NEDD4L: variants seen among roughly 807,000 people sequenced by gnomAD.
NEDD4L encodes E3 ubiquitin-protein ligase NEDD4-like.
A neutral mutation model predicts 148.9 loss-of-function variants in NEDD4L; 54 were observed. That is an observed-to-expected ratio of 0.36 (90% CI 0.29 to 0.45). NEDD4L has a LOEUF of 0.45. Ranked by LOEUF, NEDD4L falls within the 20% of genes least tolerant of loss-of-function variation. The pLI is 1.00. For missense variants in NEDD4L, 856 were observed against 1,233.8 expected (o/e 0.69, Z 4.59); for synonymous variants, 433 against 440.7 (o/e 0.98, Z 0.22).
At chr18:58,356,931 G>T (rs757793616) in intron 18 of NEDD4L, among the ~76,000 whole-genome samples, 2 of 152,022 alleles carry the variant, frequency 1.3e-5, no homozygotes, top group African/African-American at 2.4e-5. Flanking sequence ...CAAGTTATTT[G>T]CCCAAAACAG....
At chr18:58,376,810 G>GCTCT in intron 24 of NEDD4L, among the ~76,000 whole-genome samples, 1 of 152,320 alleles carries the variant, frequency 6.6e-6, no homozygotes, top group Non-Finnish European at 1.5e-5. Context: ...GCGTGGCCTG[G>GCTCT]CTCTCCCTGC....
intron 1 of NEDD4L, among the ~76,000 whole-genome samples, chr18:58,135,919 C>T (rs1254192313): frequency 2.0e-5 from 3 of 152,168 alleles, no homozygotes; most frequent in Non-Finnish European, 4.4e-5. Flanking sequence ...TTGTTTTGCT[C>T]ATTGATGGCC....
rs57095928 is a variant in NEDD4L at position 58,191,563 on chromosome 18, T to C, written c.122+25702T>C. ...AATAGGTAAATTGCTAAGAAAAACA[T>C]TGGCCTTGGTATGTACAACTTAAAA... On this transcript the variant is annotated intron_variant, in intron 2 of 30. Transcript: ENST00000400345. 9.8e-3 allele frequency among the ~76,000 whole-genome samples: 1,489 copies of C among 152,316 alleles called. 22 individuals carry two copies. The highest frequency in any genetic ancestry group is 0.032 in the African/African-American group (1,349 of 41,566).
chr18:58,233,860 GT>G (rs2045557835), intron 2 of NEDD4L, among the ~76,000 whole-genome samples: 1 of 152,136 alleles, frequency 6.6e-6, no homozygotes, highest in South Asian at 2.1e-4. Context: ...GGCTCTTCTA[GT>G]TTGTGATGTT....
intron 1 of NEDD4L, among the ~76,000 whole-genome samples, chr18:58,072,857 G>GGC (rs563017835): frequency 0.027 from 3,812 of 139,514 alleles, 60 homozygotes; most frequent in Non-Finnish European, 0.041. Flanking sequence ...AAAATCCTAA[G>GGC]GCGCGCGCGC....
At chr18:58,378,387 G>A (rs2047856218) in intron 24 of NEDD4L, among the ~76,000 whole-genome samples, 1 of 152,230 alleles carries the variant, frequency 6.6e-6, no homozygotes, top group African/African-American at 2.4e-5. Context: ...GGCAGTGAGT[G>A]AAAAGGCAGA....
chr18:58,090,694 A>T (rs2084026389), intron 1 of NEDD4L: 1 of 152,136 alleles, frequency 6.6e-6, no homozygotes, highest in Admixed American at 6.5e-5. Flanking sequence ...GCCAGACTGG[A>T]CTTGAATTCC....
At chr18:58,380,415 T>C (rs1601912368) in intron 24 of NEDD4L, among the ~76,000 whole-genome samples, 1 of 151,588 alleles carries the variant, frequency 6.6e-6, no homozygotes, top group African/African-American at 2.4e-5. Context: ...GCCCCCTGGG[T>C]TCAAGCGATT....
chr18:58,293,478 T>TA (rs1401661455), intron 5 of NEDD4L, among the ~76,000 whole-genome samples: 1 of 152,218 alleles, frequency 6.6e-6, no homozygotes, highest in Admixed American at 6.5e-5. Context: ...TTCAATGTCG[T>TA]AAAAAGGCAC....
chr18:58,086,876 T>C (rs2083787240), intron 1 of NEDD4L, among the ~76,000 whole-genome samples: 1 of 152,252 alleles, frequency 6.6e-6, no homozygotes, highest in Non-Finnish European at 1.5e-5. Flanking sequence ...TTAACCTGTT[T>C]CCATCTGAAT....
intron 2 of NEDD4L, among the ~76,000 whole-genome samples, chr18:58,235,484 A>G (rs571451057): frequency 6.6e-5 from 10 of 152,286 alleles, no homozygotes; most frequent in South Asian, 6.2e-4. Context: ...CTGGGAACCA[A>G]TGTCTGCCAG....
intron 2 of NEDD4L, among the ~76,000 whole-genome samples, chr18:58,215,981 A>AT (rs918205882): frequency 0.017 from 2,399 of 144,458 alleles, 28 homozygotes; most frequent in African/African-American, 0.042. Flanking sequence ...CAAAACAAGA[A>AT]TTTTTTTTTT....
At chr18:58,290,009 T>A (rs541778255) in intron 5 of NEDD4L, among the ~76,000 whole-genome samples, 1 of 152,376 alleles carries the variant, frequency 6.6e-6, no homozygotes, top group East Asian at 1.9e-4. Context: ...AAATGATATG[T>A]TTAATATTCA....
At chr18:58,066,528 CA>C (rs1459067945) in intron 1 of NEDD4L, among the ~76,000 whole-genome samples, 7 of 151,690 alleles carry the variant, frequency 4.6e-5, no homozygotes, top group Admixed American at 3.3e-4. Flanking sequence ...CCATGTTGGC[CA>C]GGCTGGTCTT....
intron 3 of NEDD4L, among the ~76,000 whole-genome samples, chr18:58,246,876 C>G (rs927810998): frequency 6.6e-6 from 1 of 152,002 alleles, no homozygotes; most frequent in African/African-American, 2.4e-5. Context: ...GATGCATGTT[C>G]TCTATTAAAA....
At position 58,328,986 on chromosome 18, in the gene NEDD4L, C is replaced by T. The variant is rs2059561681; in HGVS notation, c.681-9C>T. Reference sequence around the variant, plus strand: ...TCTTCTTCTCTTTCCCCCTTTCCTGCATGCTCAGGGACGTGTCCTCGGAGT... The same window carrying T: ...TCTTCTTCTCTTTCCCCCTTTCCTGTATGCTCAGGGACGTGTCCTCGGAGT... On this transcript the variant is annotated splice_polypyrimidine_tract_variant and intron_variant, in intron 9 of 30. Coordinates refer to ENST00000400345, the MANE Select transcript of NEDD4L (RefSeq NM_001144967.3). 1.2e-6 allele frequency: 2 copies of T among 1,613,922 alleles called. No homozygotes were observed. The highest frequency in any genetic ancestry group is 1.7e-5 in the Admixed American group (1 of 60,038).
intron 2 of NEDD4L, among the ~76,000 whole-genome samples, chr18:58,223,960 G>C (rs1353125362): frequency 6.6e-6 from 1 of 152,092 alleles, no homozygotes; most frequent in East Asian, 1.9e-4. Flanking sequence ...CAGGAGCACA[G>C]GTGGGCAGTG....
chr18:58,323,140 G>A (rs1161146914), intron 7 of NEDD4L, 92 bp from the exon 8 acceptor site: 19 of 733,512 alleles, frequency 2.6e-5, no homozygotes, highest in African/African-American at 5.2e-5. Context: ...CCTGCCCTGC[G>A]TGCTGTGGTG....
At chr18:58,140,700 G>T (rs540183368) in intron 1 of NEDD4L, among the ~76,000 whole-genome samples, 1 of 152,374 alleles carries the variant, frequency 6.6e-6, no homozygotes, top group East Asian at 1.9e-4. Context: ...GTTTCTCTCA[G>T]AGGAGGAGTG....
Sources: gnomAD v4.1 joint callset for allele counts (sites outside exome capture counted in the v4.1 genomes callset) on GRCh38, gnomAD v4.1.1 for gene constraint, MANE v1.5 for transcripts, NCBI Gene and HGNC (gene_info 2026-07-23, HGNC 2026-07-21) for gene names.